The following ERI3 variants were observed in gnomAD, a reference collection of about 807,000 sequenced individuals.
The protein encoded by ERI3 is ERI1 exoribonuclease family member 3, also known as ERI1 exoribonuclease 3.
Under a neutral mutation model 44.4 loss-of-function variants are expected in ERI3, and 18 were observed. The ratio of observed to expected loss-of-function variants is 0.41; its 90% confidence interval spans 0.28 to 0.60. The LOEUF (loss-of-function observed/expected upper bound fraction) is 0.60, where lower values mean the gene tolerates loss of function less well. Ranked by LOEUF, ERI3 falls within the 20% of genes least tolerant of loss-of-function variation. The pLI is 0.36. For missense variants in ERI3, 294 were observed against 435.5 expected, an observed-to-expected ratio of 0.68 and a Z score of 2.89; for synonymous variants, 183 against 164.8, an observed-to-expected ratio of 1.11 and a Z score of -0.84.
intron 3 of ERI3, among the ~76,000 whole-genome samples, chr1:44,334,518 T>A (rs537989098): frequency 3.9e-5 from 6 of 152,334 alleles, no homozygotes; most frequent in Admixed American, 2.0e-4. Flanking sequence ...AGGAGCCACA[T>A]TCCTGAAATT....
chr1:44,244,043 G>C (rs1644500305), intron 8 of ERI3: 1 of 152,154 alleles, frequency 6.6e-6, no homozygotes, highest in South Asian at 2.1e-4. Context: ...AGACTGTTGT[G>C]AAAACTAAAT....
At chr1:44,290,851 T>C (rs1400495775) in intron 6 of ERI3, among the ~76,000 whole-genome samples, 2 of 152,004 alleles carry the variant, frequency 1.3e-5, no homozygotes, top group Non-Finnish European at 2.9e-5. Flanking sequence ...CCTCCCCCAC[T>C]ACGCAGGGCA....
At chr1:44,354,847 A>G (rs1173899607) in intron 1 of ERI3, 45 bp downstream of exon 1, 2 of 1,313,708 alleles carry the variant, frequency 1.5e-6, no homozygotes, top group Admixed American at 3.1e-5. Flanking sequence ...CCCCGCATGC[A>G]TTAACCAGGG....
intron 1 of ERI3, chr1:44,354,260 C>A (rs1427689806): frequency 1.0e-6 from 1 of 985,274 alleles, no homozygotes; most frequent in Non-Finnish European, 1.2e-6. Flanking sequence ...ATTGAAGTGG[C>A]CAGAGACCTC....
At chr1:44,239,603 T>A (rs1431431197) in intron 8 of ERI3, among the ~76,000 whole-genome samples, 2 of 152,206 alleles carry the variant, frequency 1.3e-5, no homozygotes, top group Admixed American at 6.5e-5. Flanking sequence ...GGGGCTCAGC[T>A]GGCCTGGCCT....
chr1:44,272,789 G>A (rs1051187153), intron 7 of ERI3, among the ~76,000 whole-genome samples: 7 of 151,930 alleles, frequency 4.6e-5, no homozygotes, highest in African/African-American at 9.7e-5. Flanking sequence ...GTAGTAAGCC[G>A]AGATCATGCC....
At chr1:44,309,686 T>G (rs952950767) in intron 5 of ERI3, among the ~76,000 whole-genome samples, 1 of 151,610 alleles carries the variant, frequency 6.6e-6, no homozygotes, top group Non-Finnish European at 1.5e-5. Flanking sequence ...TGCCTCAGCC[T>G]CCAGAGTAGC....
intron 6 of ERI3, among the ~76,000 whole-genome samples, chr1:44,303,860 A>G (rs1192441026): frequency 6.6e-6 from 1 of 152,198 alleles, no homozygotes; most frequent in Non-Finnish European, 1.5e-5. Flanking sequence ...ACTGGACTCA[A>G]AGAGACTAGT....
chr1:44,285,209 A>G (rs1398299036), intron 6 of ERI3, among the ~76,000 whole-genome samples: 1 of 152,218 alleles, frequency 6.6e-6, no homozygotes, highest in Non-Finnish European at 1.5e-5. Context: ...TTCACATTTA[A>G]TCTTCAAAGC....
rs775066395 is a variant in ERI3 at position 44,354,962 on chromosome 1, G to A, written c.65C>T (p.Ser22Phe). Residue 22 changes from serine to phenylalanine, a missense_variant, in exon 1 of 9, where the codon TCC becomes TTC. Ser to Phe is a radical substitution (Grantham distance 155, BLOSUM62 -2). Around this residue, in one of 2 missense-constraint regions of ERI3, gnomAD observed 107 missense variants for 96.9 expected, o/e 1.10. Transcript: ENST00000372257. Reference protein sequence around the residue: ...RGRPWEGGLVSWPPAPPLTLP... With the variant: ...RGRPWEGGLVFWPPAPPLTLP... ...AGTAAGGGGAGGGGCGGGGGGCCAG[G>A]AGACCAGCCCTCCTTCCCAGGGCCG... is the stretch of plus-strand genomic sequence containing the variant. The A allele has an allele frequency of 2.1e-5, 28 of 1,346,866 alleles. No homozygotes were observed. In the East Asian group the frequency reaches 2.5e-4, roughly 12 times the overall value. The allele number at this position is 1,346,866 out of a possible 1,614,324, so 83.4% of individuals were successfully genotyped here.
chr1:44,232,849 C>T (rs569565351), intron 8 of ERI3, among the ~76,000 whole-genome samples: 1 of 152,244 alleles, frequency 6.6e-6, no homozygotes, highest in Non-Finnish European at 1.5e-5. Context: ...GATTATTATA[C>T]AGCGGTTCTA....
chr1:44,284,887 T>G lies in ERI3; in HGVS notation c.779A>C (p.Tyr260Ser), dbSNP rs1345228203. The change falls in exon 7 of 9, where the codon TAC becomes TCC. Residue 260 changes from tyrosine (Y) to serine (S), a missense_variant. Transcript: ENST00000372257. The part of the protein sequence containing the change: ...LKVMLPGQCQ[Y>S]LGLPVADYFK... ...GTAATCCGCCACTGGCAAGCCCAAG[T>G]ACTGGCACTGGCCTGGGAGCCTACA... 6.2e-7 allele frequency: 1 copy of G among 1,614,040 alleles called. No homozygotes were observed. The highest frequency in any genetic ancestry group is 2.2e-5 in the East Asian group (1 of 44,884).
At chr1:44,246,384 C>A (rs1224712514) in intron 8 of ERI3, among the ~76,000 whole-genome samples, 2 of 152,218 alleles carry the variant, frequency 1.3e-5, no homozygotes. Context: ...TCCTGCTGAC[C>A]TCCCAGGCAT....
rs1246015094 is a variant in ERI3 at position 44,342,832 on chromosome 1, T to TAAATATATATATATATATATATATATAA, written c.212-3511_212-3510insTTATATATATATATATATATATATATTT. ...CAGCTAATATATATATATATATATA[T>TAAATATATATATATATATATATATATAA]ATATATATATATATATATATATATA... On this transcript the variant is annotated intron_variant, in intron 2 of 8. Transcript: ENST00000372257. Among the ~76,000 whole-genome samples, 4 of 24,242 alleles carry TAAATATATATATATATATATATATATAA rather than the reference T, an allele frequency of 1.7e-4. 1 individual carries two copies. Among genetic ancestry groups the TAAATATATATATATATATATATATATAA allele is most frequent in the African/African-American group, 3.8e-4 (2 of 5,212 alleles). 15.9% of individuals were successfully genotyped at this position (24,242 alleles called of 152,430 possible).
Position 44,248,003 on chromosome 1 carries a change from A to G in ERI3, c.867T>C (p.Asn289=). The change falls in exon 8 of 9, where the codon AAT becomes AAC. Residue 289 remains asparagine (N), a synonymous_variant. Coordinates refer to ENST00000372257, the MANE Select transcript of ERI3 (RefSeq NM_024066.3). The part of the protein sequence containing the change: ...YSFAMGCWPK[N]GLLDMNKGLS... Reference sequence around the variant, plus strand: ...GGCCCTTGTTCATGTCTAGAAGTCCATTCTTGGGCCAGCAGCCCATGGCGA... The same window carrying G: ...GGCCCTTGTTCATGTCTAGAAGTCCGTTCTTGGGCCAGCAGCCCATGGCGA... 1.9e-6 allele frequency: 3 copies of G among 1,612,420 alleles called. No homozygotes were observed. The highest frequency in any genetic ancestry group is 1.7e-6 in the Non-Finnish European group (2 of 1,179,346).
intron 7 of ERI3, among the ~76,000 whole-genome samples, chr1:44,258,632 C>G (rs1279623358): frequency 6.6e-6 from 1 of 152,152 alleles, no homozygotes; most frequent in Non-Finnish European, 1.5e-5. Context: ...AACATATTTG[C>G]AAAACAACAC....
At chr1:44,352,547 T>C (rs964915850) in intron 2 of ERI3, among the ~76,000 whole-genome samples, 1 of 152,214 alleles carries the variant, frequency 6.6e-6, no homozygotes, top group Non-Finnish European at 1.5e-5. Context: ...TCTGGTTCTA[T>C]TCAACCATCC....
At chr1:44,322,769 C>G in intron 3 of ERI3, 2 of 1,550,066 alleles carry the variant, frequency 1.3e-6, no homozygotes, top group Non-Finnish European at 1.7e-6. Flanking sequence ...CCCAGAACCT[C>G]AAAATACTGG....
At chr1:44,298,475 T>C (rs1236982503) in intron 6 of ERI3, among the ~76,000 whole-genome samples, 1 of 152,042 alleles carries the variant, frequency 6.6e-6, no homozygotes, top group African/African-American at 2.4e-5. Context: ...AATAACTAAA[T>C]ACAGTATAAT....
Sources: gnomAD v4.1 joint callset for allele counts (sites outside exome capture counted in the v4.1 genomes callset) on GRCh38, gnomAD v4.1.1 for gene constraint, gnomAD v4.1.1 regional missense constraint, MANE v1.5 for transcripts, NCBI Gene and HGNC (gene_info 2026-07-23, HGNC 2026-07-21) for gene names.